The following ULK4 variants were observed in gnomAD, a reference collection of about 807,000 sequenced individuals.
The protein encoded by ULK4 is unc-51 like kinase 4, also known as inactive serine/threonine-protein kinase ULK4.
ULK4 carries 133 observed loss-of-function variants against 160.6 expected under a neutral mutation model. The ratio of observed to expected loss-of-function variants is 0.83; its 90% CI spans 0.72 to 0.96. The LOEUF (loss-of-function observed/expected upper bound fraction) is 0.96, where lower values mean the gene tolerates loss of function less well. Ranked by LOEUF, ULK4 falls within the 40% of genes least tolerant of loss-of-function variation. The pLI, the probability that ULK4 is intolerant of heterozygous loss-of-function variation, is 0.00. For missense variants in ULK4, 1,580 were observed against 1,499.5 expected, an observed-to-expected ratio of 1.05 and a Z score of -0.89; for synonymous variants, 534 against 539.8, an observed-to-expected ratio of 0.99 and a Z score of 0.15.
At chr3:41,757,399 A>G (rs1236720598) in intron 21 of ULK4, among the ~76,000 whole-genome samples, 5 of 152,104 alleles carry the variant, frequency 3.3e-5, no homozygotes, top group South Asian at 2.1e-4. Context: ...TTGGGAGGCC[A>G]AGGCGGGCAG....
At chr3:41,828,993 A>G (rs540285935) in intron 18 of ULK4, among the ~76,000 whole-genome samples, 3 of 151,346 alleles carry the variant, frequency 2.0e-5, no homozygotes, top group South Asian at 2.1e-4. Context: ...ATAATGCCAC[A>G]TATCTACAAC....
At chr3:41,283,597 A>T (rs2079402702) in intron 35 of ULK4, among the ~76,000 whole-genome samples, 5 of 152,222 alleles carry the variant, frequency 3.3e-5, no homozygotes, top group Admixed American at 3.3e-4. Flanking sequence ...TTGAACAATG[A>T]GAACACATGG....
At chr3:41,524,441 A>C (rs1268913513) in intron 32 of ULK4, among the ~76,000 whole-genome samples, 3 of 152,184 alleles carry the variant, frequency 2.0e-5, no homozygotes, top group Non-Finnish European at 4.4e-5. Context: ...GTGACCCTGG[A>C]AACAAGTCAA....
At position 41,386,520 on chromosome 3, in the gene ULK4, G is replaced by C. The variant is rs148438585; in HGVS notation, c.3678+11559C>G. Among the ~76,000 whole-genome samples, 3 of 152,242 alleles carry C rather than the reference G, an allele frequency of 2.0e-5. No individual in the cohort carries two copies. In the East Asian group the frequency reaches 5.8e-4, roughly 29 times the overall value. On this transcript the variant is annotated intron_variant, in intron 35 of 36. Transcript: ENST00000301831. The stretch of plus-strand genomic sequence containing the variant: ...AAATGTTTGAATCACTTGAGTATAA[G>C]AACAGAGGGAGAATTGGAGCCACAG...
At chr3:41,309,507 G>C (rs1379653575) in intron 35 of ULK4, among the ~76,000 whole-genome samples, 1 of 152,014 alleles carries the variant, frequency 6.6e-6, no homozygotes, top group African/African-American at 2.4e-5. Flanking sequence ...CCAGCTATGA[G>C]ATTTTAAAAT....
intron 31 of ULK4, among the ~76,000 whole-genome samples, chr3:41,577,197 A>G (rs533523461): frequency 8.6e-4 from 131 of 152,194 alleles, no homozygotes; most frequent in Middle Eastern, 3.4e-3. Context: ...GGTAGAGCAG[A>G]AAAAAAACCG....
At chr3:41,866,709 A>C (rs1191851155) in intron 17 of ULK4, among the ~76,000 whole-genome samples, 1 of 152,176 alleles carries the variant, frequency 6.6e-6, no homozygotes, top group Non-Finnish European at 1.5e-5. Context: ...TGTATGTGTG[A>C]TTCACAGCAT....
chr3:41,802,642 G>A (rs535187712), intron 19 of ULK4, among the ~76,000 whole-genome samples: 1 of 152,034 alleles, frequency 6.6e-6, no homozygotes, highest in Non-Finnish European at 1.5e-5. Flanking sequence ...TGTATTGTGA[G>A]CTTTATAACA....
In ULK4 at chr3:41,935,929, T is replaced by C. The variant is rs761349204; in HGVS notation, c.250A>G (p.Lys84Glu). Residue 84 changes from lysine (K) to glutamate (E), a missense_variant, in exon 4 of 37, where the codon AAA becomes GAA. Physicochemically the swap from Lys to Glu is moderately conservative, Grantham distance 56. Transcript: ENST00000301831. The part of the protein sequence containing the change: ...VVELCTGGSL[K>E]TVIAQDENLP... ...TTTTCATCTTGAGCAATAACTGTTT[T>C]TAAGGAACCACCTGCAAGAGGTTGA... The C allele has an allele frequency of 1.2e-6, 2 of 1,613,490 alleles. No individual in the cohort carries two copies. Among genetic ancestry groups the C allele is most frequent in the Admixed American group, 1.7e-5 (1 of 59,836 alleles).
At chr3:41,473,152 A>T (rs2084036713) in intron 32 of ULK4, among the ~76,000 whole-genome samples, 1 of 152,230 alleles carries the variant, frequency 6.6e-6, no homozygotes, top group Admixed American at 6.5e-5. Context: ...TGATGAAAAA[A>T]TAAAACATTT....
At chr3:41,470,616 A>C (rs545990556) in intron 32 of ULK4, among the ~76,000 whole-genome samples, 15 of 152,286 alleles carry the variant, frequency 9.8e-5, no homozygotes, top group African/African-American at 3.4e-4. Flanking sequence ...TCCTAGTGTG[A>C]GGGTTCCAAG....
At chr3:41,791,832 T>C (rs1344122851) in intron 20 of ULK4, among the ~76,000 whole-genome samples, 1 of 152,166 alleles carries the variant, frequency 6.6e-6, no homozygotes, top group Non-Finnish European at 1.5e-5. Context: ...TACCTCTCCC[T>C]AAAAACAAGT....
intron 32 of ULK4, among the ~76,000 whole-genome samples, chr3:41,560,407 T>C (rs147765686): frequency 8.4e-4 from 128 of 152,294 alleles, no homozygotes; most frequent in African/African-American, 2.9e-3. Context: ...AAGAAAGACA[T>C]TGGTAGTTTG....
intron 35 of ULK4, among the ~76,000 whole-genome samples, chr3:41,356,719 G>A (rs2081036784): frequency 1.3e-5 from 2 of 152,144 alleles, no homozygotes; most frequent in South Asian, 4.1e-4. Context: ...ATGTTCTTCT[G>A]GTTAGGATGT....
intron 35 of ULK4, among the ~76,000 whole-genome samples, chr3:41,361,266 GAGA>G (rs1010272581): frequency 1.3e-5 from 2 of 152,194 alleles, no homozygotes; most frequent in Non-Finnish European, 2.9e-5. Context: ...TCAGCTGAGA[GAGA>G]AGATGATAGG....
rs1336388201 is a variant in ULK4, at chr3:41,570,699, A to G, written c.3121-4569T>C. On this transcript the variant is annotated intron_variant, in intron 31 of 36. Coordinates refer to ENST00000301831, the MANE Select transcript of ULK4 (RefSeq NM_017886.4). ...CTACTTTGCTCATTCTGAAGCCAAT[A>G]CTCCAGCTTTTCCTGTACTCATGAG... Among the ~76,000 whole-genome samples, 4 of 152,220 alleles carry G rather than the reference A, an allele frequency of 2.6e-5. No homozygotes were observed. In the East Asian group the frequency reaches 7.7e-4, roughly 29 times the overall value.
chr3:41,385,503 G>T (rs1296287637), intron 35 of ULK4, among the ~76,000 whole-genome samples: 4 of 152,132 alleles, frequency 2.6e-5, no homozygotes, highest in African/African-American at 9.7e-5. Flanking sequence ...AAGGCAACTA[G>T]CCTGGGCAAC....
intron 32 of ULK4, among the ~76,000 whole-genome samples, chr3:41,519,215 T>A (rs987562812): frequency 1.3e-5 from 2 of 152,176 alleles, no homozygotes; most frequent in Non-Finnish European, 2.9e-5. Flanking sequence ...CCCTAGAACT[T>A]GCACTAGGAC....
At chr3:41,915,940 AAAG>A (rs1378864890) in intron 8 of ULK4, 34 bp downstream of exon 8, 2 of 1,468,116 alleles carry the variant, frequency 1.4e-6, no homozygotes, top group African/African-American at 2.8e-5. Context: ...GCAGAACTCA[AAAG>A]AAAAAGAAAA....
Sources: allele counts gnomAD v4.1 joint callset (sites outside exome capture counted in the v4.1 genomes callset), GRCh38; gene constraint gnomAD v4.1.1; transcripts MANE v1.5; gene names NCBI Gene and HGNC (gene_info 2026-07-23, HGNC 2026-07-21).